IGSF21: variants seen among roughly 807,000 people sequenced by gnomAD.
IGSF21 encodes immunoglobulin superfamily member 21.
Under a neutral mutation model 46.8 loss-of-function variants are expected in IGSF21, and 28 were observed. The observed-to-expected ratio is 0.60, with a 90% CI of 0.44 to 0.82. IGSF21 has a LOEUF of 0.82. Among genes scored for constraint, IGSF21 ranks in the 40% least tolerant of loss-of-function variants. The pLI is 0.00. For missense variants in IGSF21, 624 were observed against 665.5 expected (o/e 0.94, Z 0.69); for synonymous variants, 284 against 273.6 (o/e 1.04, Z -0.38).
chr1:18,109,254 G>C lies in IGSF21; in HGVS notation c.70+1056G>C, dbSNP rs3738090. On this transcript the variant is annotated intron_variant, in intron 1 of 9. Coordinates refer to ENST00000251296, the MANE Select transcript of IGSF21 (RefSeq NM_032880.5). The surrounding 1 kb of genome is among the most constrained non-coding windows in gnomAD (Gnocchi z 4.8). ...AGGGAGGCGGGACCAGCGAAGAGCC[G>C]CAGGCACCGAGACTACAGGCTCCGC... The C allele has an allele frequency of 6.6e-6, 1 of 151,800 alleles. No homozygotes were observed. Among genetic ancestry groups the C allele is most frequent in the East Asian group, 2.0e-4 (1 of 5,106 alleles). The allele number at this position is 151,800 out of a possible 1,614,324, so 9.4% of individuals were successfully genotyped here.
At chr1:18,151,113 A>G (rs1207896733) in intron 1 of IGSF21, among the ~76,000 whole-genome samples, 1 of 152,192 alleles carries the variant, frequency 6.6e-6, no homozygotes, top group Non-Finnish European at 1.5e-5. Flanking sequence ...CCCAGGCTGT[A>G]TCCTCTGTGT....
At chr1:18,195,754 C>T (rs189093241) in intron 1 of IGSF21, among the ~76,000 whole-genome samples, 33 of 152,332 alleles carry the variant, frequency 2.2e-4, no homozygotes, top group African/African-American at 7.2e-4. Flanking sequence ...AGTTTTTAAA[C>T]ACAATTATGT....
chr1:18,369,030 C>T (rs1004907956), intron 6 of IGSF21, among the ~76,000 whole-genome samples: 3 of 152,214 alleles, frequency 2.0e-5, no homozygotes, highest in African/African-American at 7.2e-5. Context: ...GGCACCCCCA[C>T]TCATCATCAG....
At chr1:18,279,672 A>G (rs1206681981) in intron 2 of IGSF21, among the ~76,000 whole-genome samples, 1 of 152,136 alleles carries the variant, frequency 6.6e-6, no homozygotes, top group Non-Finnish European at 1.5e-5. Context: ...TTCCTCTCCA[A>G]CTGGCTGCTG....
chr1:18,219,316 TG>T (rs1397786094), intron 1 of IGSF21, among the ~76,000 whole-genome samples: 1 of 152,014 alleles, frequency 6.6e-6, no homozygotes, highest in Non-Finnish European at 1.5e-5. Context: ...TTCTGGAAGG[TG>T]GGAGCAGCAA....
chr1:18,162,976 T>G (rs891565801), intron 1 of IGSF21, among the ~76,000 whole-genome samples: 9 of 151,990 alleles, frequency 5.9e-5, no homozygotes, highest in Non-Finnish European at 1.2e-4. Context: ...TGGTGTCACA[T>G]TGGGGGTGGT....
intron 5 of IGSF21, among the ~76,000 whole-genome samples, chr1:18,364,771 T>A (rs952830560): frequency 2.6e-5 from 4 of 152,052 alleles, no homozygotes; most frequent in African/African-American, 9.7e-5. Flanking sequence ...AACGTCTCAC[T>A]TCATCCCCGG....
intron 4 of IGSF21, among the ~76,000 whole-genome samples, chr1:18,354,964 C>G (rs979488585): frequency 3.9e-5 from 6 of 152,300 alleles, no homozygotes; most frequent in Admixed American, 2.6e-4. Context: ...CTTCTCATCT[C>G]AAAAACCCTG....
intron 4 of IGSF21, among the ~76,000 whole-genome samples, chr1:18,336,601 G>A (rs1004872009): frequency 1.4e-4 from 21 of 152,292 alleles, no homozygotes; most frequent in Non-Finnish European, 2.2e-4. Flanking sequence ...ACTGCGCTAA[G>A]GCCTCAATCT....
intron 1 of IGSF21, among the ~76,000 whole-genome samples, chr1:18,217,087 G>A (rs908754024): frequency 6.6e-6 from 1 of 152,078 alleles, no homozygotes; most frequent in Non-Finnish European, 1.5e-5. Context: ...ATCCCAGCAA[G>A]ACCTAAAATC....
rs566636205 is a variant in IGSF21 at position 18,273,509 on chromosome 1, T to C, written c.184-18357T>C. Among the ~76,000 whole-genome samples, 115 of 105,800 alleles carry C rather than the reference T, an allele frequency of 1.1e-3. 4 individuals are homozygous for C. Among genetic ancestry groups the C allele is most frequent in the African/African-American group, 4.5e-3 (107 of 23,894 alleles). The allele number at this position is 105,800 out of a possible 152,430, so 69.4% of individuals were successfully genotyped here. On this transcript the variant is annotated intron_variant, in intron 2 of 9. Transcript: ENST00000251296. ...CTTTCTTTCTTTCTTTCTTTCTTTC[T>C]TTCTTTCTTTCGTCTTTCTTTACTT...
chr1:18,249,899 G>A (rs2084821130), intron 2 of IGSF21, among the ~76,000 whole-genome samples: 1 of 152,158 alleles, frequency 6.6e-6, no homozygotes, highest in African/African-American at 2.4e-5. Context: ...TGCTGCCAGG[G>A]GAGGCATTGG....
At chr1:18,227,400 G>A (rs866666295) in intron 1 of IGSF21, among the ~76,000 whole-genome samples, 6 of 151,942 alleles carry the variant, frequency 3.9e-5, no homozygotes, top group South Asian at 2.1e-4. Context: ...AGGGGTGGCT[G>A]AGCGACCCAT....
chr1:18,288,957 C>T (rs2085241553), intron 2 of IGSF21, among the ~76,000 whole-genome samples: 1 of 152,230 alleles, frequency 6.6e-6, no homozygotes, highest in Non-Finnish European at 1.5e-5. Context: ...AAACTAGTCT[C>T]GTCCTTGAAA....
At chr1:18,357,132 G>A (rs532375808) in intron 4 of IGSF21, among the ~76,000 whole-genome samples, 3 of 149,416 alleles carry the variant, frequency 2.0e-5, no homozygotes, top group South Asian at 2.2e-4. Context: ...GATTGAGATC[G>A]AGATGGGGAG....
intron 3 of IGSF21, among the ~76,000 whole-genome samples, chr1:18,318,920 A>G (rs890906174): frequency 3.3e-5 from 5 of 152,242 alleles, no homozygotes; most frequent in African/African-American, 4.8e-5. Flanking sequence ...TGTAGGAAAC[A>G]GCCACCATAA....
chr1:18,256,761 C>A (rs1047288780), intron 2 of IGSF21, among the ~76,000 whole-genome samples: 5 of 152,176 alleles, frequency 3.3e-5, no homozygotes, highest in African/African-American at 9.7e-5. Flanking sequence ...ATTTCTGAGA[C>A]AGGGGAGGAG....
intron 2 of IGSF21, among the ~76,000 whole-genome samples, chr1:18,259,732 G>A (rs2084928997): frequency 3.9e-5 from 6 of 152,182 alleles, no homozygotes; most frequent in African/African-American, 7.2e-5. Flanking sequence ...TGTATAGGCT[G>A]CAGAGAAGGA....
chr1:18,332,519 A>C (rs2085724208), intron 3 of IGSF21, among the ~76,000 whole-genome samples: 1 of 151,252 alleles, frequency 6.6e-6, no homozygotes, highest in Admixed American at 6.6e-5. Flanking sequence ...TTTTATCTAA[A>C]ATATGTCACT....
Sources: gnomAD v4.1 joint callset for allele counts (sites outside exome capture counted in the v4.1 genomes callset) on GRCh38, gnomAD v4.1.1 for gene constraint, Gnocchi (gnomAD v3.1) non-coding constraint, MANE v1.5 for transcripts, NCBI Gene and HGNC (gene_info 2026-07-23, HGNC 2026-07-21) for gene names.